GPC6: variants seen among roughly 807,000 people sequenced by gnomAD.
GPC6 encodes glypican-6.
Under a neutral mutation model 55.2 loss-of-function variants are expected in GPC6, and 14 were observed. The ratio of observed to expected loss-of-function variants is 0.25; its 90% CI spans 0.17 to 0.40. The LOEUF is 0.40. Ranked by LOEUF, GPC6 falls within the 10% of genes least tolerant of loss-of-function variation. GPC6 has a pLI of 1.00. For missense variants in GPC6, 641 were observed against 708.5 expected, an observed-to-expected ratio of 0.90 and a Z score of 1.08; for synonymous variants, 278 against 259.6, an observed-to-expected ratio of 1.07 and a Z score of -0.68.
chr13:93,780,340 T>A (rs1885600141), intron 2 of GPC6, among the ~76,000 whole-genome samples: 1 of 152,124 alleles, frequency 6.6e-6, no homozygotes, highest in South Asian at 2.1e-4. Flanking sequence ...GTCAATTATG[T>A]CCCACCATAT....
chr13:94,135,428 G>A (rs1225802680), intron 4 of GPC6, among the ~76,000 whole-genome samples: 2 of 152,250 alleles, frequency 1.3e-5, no homozygotes, highest in Non-Finnish European at 2.9e-5. Flanking sequence ...TAGCTTGCTT[G>A]TGTTATCTTA....
intron 4 of GPC6, among the ~76,000 whole-genome samples, chr13:94,119,270 G>C (rs956474482): frequency 2.6e-5 from 4 of 151,956 alleles, no homozygotes; most frequent in African/African-American, 9.7e-5. Flanking sequence ...CAACAATGAA[G>C]TAAAAAGTAA....
In GPC6 at chr13:93,637,882, T is replaced by C. The variant is rs1879762421; in HGVS notation, c.319+92461T>C. On this transcript the variant is annotated intron_variant, in intron 2 of 8. Transcript: ENST00000377047. ...TAATATTCAGGCAACATGTCCTCCA[T>C]ATGTAGCCGTCATATTAGAGATGAC... Among the ~76,000 whole-genome samples the C allele has an allele frequency of 2.0e-5, 3 of 152,114 alleles. No homozygotes were observed. In the South Asian group the frequency reaches 6.2e-4, roughly 31 times the overall value.
At chr13:93,273,463 T>C (rs551892739) in intron 1 of GPC6, among the ~76,000 whole-genome samples, 12 of 151,996 alleles carry the variant, frequency 7.9e-5, no homozygotes, top group Non-Finnish European at 1.6e-4. Flanking sequence ...TCGAGACCAT[T>C]CTGGCTAACA....
intron 4 of GPC6, among the ~76,000 whole-genome samples, chr13:94,158,688 TCTGTAAGTGGTAAAATTTTAC>T (rs574207626): frequency 7.0e-4 from 106 of 152,068 alleles, no homozygotes; most frequent in South Asian, 3.9e-3. Flanking sequence ...GAAGATAAAC[TCTGTAAGTGGTAAAATTTTAC>T]CACTTCGTAT....
chr13:93,861,176 T>C (rs900784810), intron 3 of GPC6, among the ~76,000 whole-genome samples: 18 of 151,506 alleles, frequency 1.2e-4, no homozygotes, highest in African/African-American at 4.4e-4. Flanking sequence ...ATATTATTAT[T>C]ACAACTTGGT....
At chr13:93,724,674 C>T (rs1883568051) in intron 2 of GPC6, among the ~76,000 whole-genome samples, 1 of 151,890 alleles carries the variant, frequency 6.6e-6, no homozygotes, top group Non-Finnish European at 1.5e-5. Flanking sequence ...TTCAACACAC[C>T]TTTTCTCTAA....
At chr13:94,048,690 T>C (rs1883822057) in intron 4 of GPC6, among the ~76,000 whole-genome samples, 1 of 151,984 alleles carries the variant, frequency 6.6e-6, no homozygotes. Context: ...CATTGTCATT[T>C]TGGTCTGGTC....
In GPC6 at chr13:94,045,067, A is replaced by G. The variant is rs1485125684; in HGVS notation, c.877+17173A>G. ...ATAGGTACGTTTATTTTTAAATAAT[A>G]TTTTTTAATATTAGGGAAACATTTT... On this transcript the variant is annotated intron_variant, in intron 4 of 8. Coordinates refer to ENST00000377047, the MANE Select transcript of GPC6 (RefSeq NM_005708.5). Among the ~76,000 whole-genome samples, 4 of 151,780 alleles carry G rather than the reference A, an allele frequency of 2.6e-5. No homozygotes were observed. The East Asian group carries it at 5.8e-4, about 22-fold the overall frequency.
chr13:94,196,246 AT>A (rs1013632081), intron 4 of GPC6, among the ~76,000 whole-genome samples: 1 of 149,048 alleles, frequency 6.7e-6, no homozygotes, highest in Non-Finnish European at 1.5e-5. Context: ...AAGAGGGAGG[AT>A]TTTTTTTAAC....
chr13:93,575,227 G>C (rs553642693), intron 2 of GPC6, among the ~76,000 whole-genome samples: 45 of 152,236 alleles, frequency 3.0e-4, no homozygotes, highest in African/African-American at 1.0e-3. Flanking sequence ...GGAGGCGGAG[G>C]TTGGAGTGAG....
chr13:94,136,013 T>C (rs916744063), intron 4 of GPC6, among the ~76,000 whole-genome samples: 10 of 152,090 alleles, frequency 6.6e-5, no homozygotes, highest in African/African-American at 2.4e-4. Flanking sequence ...CATTGAGAAA[T>C]CAAATTTCAA....
At chr13:93,431,718 G>T (rs1462541997) in intron 1 of GPC6, among the ~76,000 whole-genome samples, 1 of 152,144 alleles carries the variant, frequency 6.6e-6, no homozygotes, top group East Asian at 1.9e-4. Context: ...TGGATATTAA[G>T]AATTTTGAAT....
chr13:93,822,829 T>TTTATTATTA (rs530559267), intron 2 of GPC6, among the ~76,000 whole-genome samples: 20 of 148,484 alleles, frequency 1.3e-4, no homozygotes, highest in East Asian at 9.8e-4. Context: ...CCACATTTTC[T>TTTATTATTA]TTATTATTAT....
intron 2 of GPC6, among the ~76,000 whole-genome samples, chr13:93,559,875 T>C (rs1594267039): frequency 6.6e-6 from 1 of 152,182 alleles, no homozygotes; most frequent in East Asian, 1.9e-4. Flanking sequence ...TTCTTTATCC[T>C]AAGGTTCACT....
chr13:93,611,299 A>G (rs906516910), intron 2 of GPC6, among the ~76,000 whole-genome samples: 2 of 152,112 alleles, frequency 1.3e-5, no homozygotes, highest in Non-Finnish European at 2.9e-5. Context: ...AACTTTGACA[A>G]CTGAATTATA....
At chr13:94,312,600 C>T (rs1182172486) in intron 6 of GPC6, among the ~76,000 whole-genome samples, 1 of 152,190 alleles carries the variant, frequency 6.6e-6, no homozygotes, top group African/African-American at 2.4e-5. Context: ...GGATGTCAGG[C>T]TGTGCTTAAG....
rs1874875343 is a variant in GPC6, at chr13:93,375,926, A to G, written c.160+148310A>G. On this transcript the variant is annotated intron_variant, in intron 1 of 8. Coordinates refer to ENST00000377047, the MANE Select transcript of GPC6 (RefSeq NM_005708.5). The stretch of plus-strand genomic sequence containing the variant: ...ATCTTTTCTGTTCATTCTTGAGAGT[A>G]AAAATAACAATTTTTAAAAAATAAA... Among the ~76,000 whole-genome samples, 3 of 152,228 alleles carry G rather than the reference A, an allele frequency of 2.0e-5. No homozygotes were observed. The South Asian group carries it at 6.2e-4, about 32-fold the overall frequency.
At chr13:94,231,999 C>A (rs1041223038) in intron 4 of GPC6, among the ~76,000 whole-genome samples, 1 of 152,118 alleles carries the variant, frequency 6.6e-6, no homozygotes, top group African/African-American at 2.4e-5. Flanking sequence ...CCAACAAGAG[C>A]CGACCATGTT....
Sources: gnomAD v4.1 joint callset for allele counts (sites outside exome capture counted in the v4.1 genomes callset) on GRCh38, gnomAD v4.1.1 for gene constraint, MANE v1.5 for transcripts, NCBI Gene and HGNC (gene_info 2026-07-23, HGNC 2026-07-21) for gene names.